NEK4: variants seen among roughly 807,000 people sequenced by gnomAD.
The protein encoded by NEK4 is NIMA related kinase 4, also known as serine/threonine-protein kinase Nek4.
NEK4 carries 86 observed loss-of-function variants against 98.4 expected under a neutral mutation model. That is an observed-to-expected ratio of 0.87 (90% CI 0.73 to 1.05). The LOEUF (loss-of-function observed/expected upper bound fraction) is 1.05, where lower values mean the gene tolerates loss of function less well. Among genes scored for constraint, NEK4 ranks in the 50% least tolerant of loss-of-function variants. The pLI, the probability that NEK4 is intolerant of heterozygous loss-of-function variation, is 0.00. For missense variants in NEK4, 898 were observed against 950.3 expected (o/e 0.94, Z 0.72); for synonymous variants, 328 against 342.2 (o/e 0.96, Z 0.46).
chr3:52,746,841 G>A lies in NEK4; in HGVS notation c.1570C>T (p.His524Tyr). The change falls in exon 9 of 16, where the codon CAC (histidine) becomes TAC (tyrosine). Residue 524 changes from histidine (H) to tyrosine (Y), a missense_variant. Transcript: ENST00000233027. ...AGGGAAGGTTCAGACCCAGAGTTGT[G>A]TGGCTGTAAATCTGGGTGGATTCTG... ...QGRIHPDLQPHNSGSEPSLSR... is the reference protein window; with the variant it reads ...QGRIHPDLQPYNSGSEPSLSR... 2 of 1,613,896 alleles carry A rather than the reference G, an allele frequency of 1.2e-6. No individual in the cohort carries two copies. Among genetic ancestry groups the A allele is most frequent in the Non-Finnish European group, 1.7e-6 (2 of 1,179,832 alleles).
chr3:52,717,421 A>G (rs1309989567), intron 15 of NEK4, among the ~76,000 whole-genome samples: 1 of 151,912 alleles, frequency 6.6e-6, no homozygotes, highest in Non-Finnish European at 1.5e-5. Context: ...AAAAAAAAAA[A>G]AAATTATGGG....
intron 8 of NEK4, among the ~76,000 whole-genome samples, chr3:52,749,236 G>A (rs369753435): frequency 2.6e-5 from 4 of 152,010 alleles, no homozygotes; most frequent in East Asian, 2.0e-4. Flanking sequence ...AGGTTCAAGC[G>A]ATTCTCCTGC....
chr3:52,740,444 A>C (rs2097383834), intron 13 of NEK4, among the ~76,000 whole-genome samples: 1 of 152,234 alleles, frequency 6.6e-6, no homozygotes, highest in South Asian at 2.1e-4. Context: ...ACACTGCAGA[A>C]GAAAAGATTA....
chr3:52,768,588 A>C lies in NEK4; in HGVS notation c.110T>G (p.Leu37Arg), dbSNP rs745519786. Reference protein sequence around the residue: ...RDGKQYVIKKLNLRNASSRER... With the variant: ...RDGKQYVIKKRNLRNASSRER... ...TCGGCTAGAGGCATTTCGGAGGTTC[A>C]GTTTTTTGATGACATACTAAAAACA... Residue 37 changes from leucine (L) to arginine (R), a missense_variant, in exon 2 of 16, where the codon CTG becomes CGG. Physicochemically the swap from Leu to Arg is moderately radical, Grantham distance 102. Transcript: ENST00000233027. 2.5e-6 allele frequency: 4 copies of C among 1,613,890 alleles called. No homozygotes were observed. The East Asian group carries it at 6.7e-5, about 27-fold the overall frequency.
In NEK4 at chr3:52,760,811, G is replaced by A; in HGVS notation, c.947C>T (p.Ser316Phe). Residue 316 changes from serine to phenylalanine, a missense_variant, in exon 6 of 16, where the codon TCC becomes TTC. By Grantham distance (155) the Ser-to-Phe change is radical. Coordinates refer to ENST00000233027, the MANE Select transcript of NEK4 (RefSeq NM_003157.6). The part of the protein sequence containing the change: ...IHPQPLSSEG[S>F]QTYIMGEGKC... Reference sequence around the variant, plus strand: ...GAAACGTACCATTATATATGTCTGGGAGCCCTCAGAAGAGAGTGGTTGGGG... The same window carrying A: ...GAAACGTACCATTATATATGTCTGGAAGCCCTCAGAAGAGAGTGGTTGGGG... 3.1e-6 allele frequency: 5 copies of A among 1,607,718 alleles called. No individual in the cohort carries two copies. Among genetic ancestry groups the A allele is most frequent in the Non-Finnish European group, 4.2e-6 (5 of 1,177,230 alleles).
In NEK4 at chr3:52,766,311, G is replaced by A. The variant is rs1055110439; in HGVS notation, c.425C>T (p.Thr142Ile). 1 of 1,614,006 alleles carries A rather than the reference G, an allele frequency of 6.2e-7. No homozygotes were observed. The highest frequency in any genetic ancestry group is 8.5e-7 in the Non-Finnish European group (1 of 1,179,872). The change falls in exon 3 of 16, where the codon ACA becomes ATA. Residue 142 changes from threonine to isoleucine, a missense_variant. Coordinates refer to ENST00000233027, the MANE Select transcript of NEK4 (RefSeq NM_003157.6). ...TAGGTCCCCTACTTTGATGATGTTT[G>A]TTCTTGTTAGGAAGACATTTTGAGT... The part of the protein sequence containing the change: ...LKTQNVFLTR[T>I]NIIKVGDLGI...
intron 15 of NEK4, among the ~76,000 whole-genome samples, chr3:52,723,031 C>T (rs538885596): frequency 2.6e-5 from 4 of 152,200 alleles, no homozygotes; most frequent in African/African-American, 9.6e-5. Context: ...TAATGAGACC[C>T]TGTCTCTACA....
chr3:52,741,323 A>C, intron 13 of NEK4, 88 bp downstream of exon 13: 8 of 744,118 alleles, frequency 1.1e-5, no homozygotes, highest in Non-Finnish European at 1.9e-5. Flanking sequence ...TGGGAATACT[A>C]GAGATCTAAA....
At chr3:52,732,655 G>A in intron 15 of NEK4, 1 of 328,666 alleles carries the variant, frequency 3.0e-6, no homozygotes, top group Non-Finnish European at 6.2e-6. Context: ...ACTGGACCCT[G>A]CACAGAGGGC....
At chr3:52,723,340 C>T (rs988512014) in intron 15 of NEK4, among the ~76,000 whole-genome samples, 2 of 152,112 alleles carry the variant, frequency 1.3e-5, no homozygotes, top group African/African-American at 4.8e-5. Flanking sequence ...CTCCATCTCC[C>T]GGGTTCAAGC....
At chr3:52,746,297 C>T (rs535305735) in intron 9 of NEK4, 87 bp from the exon 10 acceptor site, 14 of 1,312,866 alleles carry the variant, frequency 1.1e-5, no homozygotes, top group Middle Eastern at 3.8e-4. Flanking sequence ...TGTATTTGTC[C>T]GTGGTTTGCT....
In NEK4 at chr3:52,768,621, T is replaced by C; in HGVS notation, c.94-17A>G. On this transcript the variant is annotated splice_polypyrimidine_tract_variant and intron_variant, in intron 1 of 15. Transcript: ENST00000233027. ...GATGACATACTAAAAACAAACCATG[T>C]ATTTTTACAATGTGCAAATAAACGT... 6.2e-7 allele frequency: 1 copy of C among 1,610,966 alleles called. No individual in the cohort carries two copies.
chr3:52,722,814 A>G (rs1403290670), intron 15 of NEK4, among the ~76,000 whole-genome samples: 1 of 152,090 alleles, frequency 6.6e-6, no homozygotes, highest in Non-Finnish European at 1.5e-5. Flanking sequence ...CTGAGGTGGG[A>G]GGATGACCTG....
chr3:52,723,672 GAA>G (rs1305998336), intron 15 of NEK4, among the ~76,000 whole-genome samples: 1 of 152,064 alleles, frequency 6.6e-6, no homozygotes, highest in Admixed American at 6.6e-5. Flanking sequence ...AGAACAGGAA[GAA>G]AAAAGACTAC....
At chr3:52,760,762 T>G in intron 6 of NEK4, 33 bp downstream of exon 6, 1 of 1,543,312 alleles carries the variant, frequency 6.5e-7, no homozygotes, top group South Asian at 1.2e-5. Context: ...AAGTGCAGTT[T>G]CTAAAACACA....
rs1428347204 is a variant in NEK4 at position 52,743,369 on chromosome 3, CAG to C, written c.1985_1986del (p.Ser662Ter). On this transcript the variant is annotated frameshift_variant, in exon 12 of 16. Transcript: ENST00000233027. LOFTEE classifies it high-confidence loss of function. ...TAATGCACCTGAGTGACGCTGCAGT[CAG>C]AGGAGAGCCGTCGGGCAGGCAAGGG... ...DQPLPARRLS[S>X]DCSVTQERKQ... is the part of the protein sequence containing the mutation. 1 of 1,614,030 alleles carries C rather than the reference CAG, an allele frequency of 6.2e-7. No individual in the cohort carries two copies. Among genetic ancestry groups the C allele is most frequent in the African/African-American group, 1.3e-5 (1 of 75,044 alleles).
chr3:52,752,334 A>C lies in NEK4; in HGVS notation c.966T>G (p.Gly322=), dbSNP rs1234033840. The C allele has an allele frequency of 1.8e-5, 29 of 1,606,754 alleles. No homozygotes were observed. The highest frequency in any genetic ancestry group is 2.4e-5 in the Non-Finnish European group (28 of 1,176,328). The change falls in exon 7 of 16, where the codon GGT becomes GGG. Residue 322 remains glycine, a splice_region_variant and synonymous_variant. Transcript: ENST00000233027. ...TCTCCTGGGACAAACATTTGCCTTC[A>C]CCCTGAATGAAAAGATGTTTGGAAA... ...SSEGSQTYIM[G]EGKCLSQEKP... is the part of the protein sequence containing the mutation.
rs3216518 is a variant in NEK4, at chr3:52,761,455, A to AT, written c.822-520dup. On this transcript the variant is annotated intron_variant, in intron 5 of 15. Coordinates refer to ENST00000233027, the MANE Select transcript of NEK4 (RefSeq NM_003157.6). ...CACCACGCCCGGCTAATTTTTTTGTATTTTTTTTTTAGTAGAGACGGGGTT... is the reference window on the plus strand; with the variant it reads ...CACCACGCCCGGCTAATTTTTTTGTATTTTTTTTTTTAGTAGAGACGGGGTT... Among the ~76,000 whole-genome samples the AT allele has an allele frequency of 5.8e-3, 854 of 148,210 alleles. 6 individuals are homozygous for AT. Among genetic ancestry groups the AT allele is most frequent in the Admixed American group, 0.011 (166 of 14,866 alleles).
intron 6 of NEK4, among the ~76,000 whole-genome samples, chr3:52,760,481 T>C (rs1174520832): frequency 6.6e-6 from 1 of 152,178 alleles, no homozygotes; most frequent in Non-Finnish European, 1.5e-5. Flanking sequence ...CCTCCCAGAG[T>C]GCTGGGATTG....
Sources: allele counts gnomAD v4.1 joint callset (sites outside exome capture counted in the v4.1 genomes callset), GRCh38; gene constraint gnomAD v4.1.1; transcripts MANE v1.5; gene names NCBI Gene and HGNC (gene_info 2026-07-23, HGNC 2026-07-21).